SPATA17: variants seen among roughly 807,000 people sequenced by gnomAD.
The protein encoded by SPATA17 is spermatogenesis-associated protein 17.
Under a neutral mutation model 62.2 loss-of-function variants are expected in SPATA17, and 53 were observed. The observed-to-expected ratio is 0.85, with a 90% CI of 0.68 to 1.07. The LOEUF (loss-of-function observed/expected upper bound fraction) is 1.07, where lower values mean the gene tolerates loss of function less well. SPATA17 is among the 50% of genes least tolerant of loss of function. The probability of loss-of-function intolerance (pLI) is 0.00; values close to 1 mark genes in which losing one functional copy is unlikely to be tolerated. For missense variants in SPATA17, 466 were observed against 425.5 expected (o/e 1.10, Z -0.84); for synonymous variants, 146 against 146.8 (o/e 0.99, Z 0.04).
intron 5 of SPATA17, among the ~76,000 whole-genome samples, chr1:217,736,522 A>G (rs1447383873): frequency 4.6e-5 from 7 of 152,158 alleles, no homozygotes; most frequent in Admixed American, 3.9e-4. Context: ...AGGTTGCTGT[A>G]GAGGAAATCC....
chr1:217,797,304 C>A (rs1353496289), intron 8 of SPATA17, among the ~76,000 whole-genome samples: 2 of 148,418 alleles, frequency 1.3e-5, no homozygotes, highest in African/African-American at 5.0e-5. Context: ...GGCTGCAGTG[C>A]AGTAGTGTGA....
At chr1:217,864,698 T>G (rs1311058355) in intron 10 of SPATA17, among the ~76,000 whole-genome samples, 1 of 152,146 alleles carries the variant, frequency 6.6e-6, no homozygotes, top group Non-Finnish European at 1.5e-5. Flanking sequence ...GATGTTTTAA[T>G]GCAACCAGAC....
chr1:217,710,884 T>C (rs2102926368), intron 5 of SPATA17, among the ~76,000 whole-genome samples: 1 of 152,336 alleles, frequency 6.6e-6, no homozygotes, highest in East Asian at 1.9e-4. Context: ...TCTGGCTCTA[T>C]AAATTTGCTC....
chr1:217,674,610 C>G (rs1257639505), intron 4 of SPATA17, among the ~76,000 whole-genome samples: 1 of 152,210 alleles, frequency 6.6e-6, no homozygotes, highest in African/African-American at 2.4e-5. Flanking sequence ...AAGGGGAACA[C>G]GGTGGTGCCC....
intron 5 of SPATA17, among the ~76,000 whole-genome samples, chr1:217,717,178 C>G (rs928155340): frequency 2.0e-5 from 3 of 151,234 alleles, no homozygotes; most frequent in Admixed American, 6.6e-5. Flanking sequence ...AAACTAAAAA[C>G]TCACTTTCAT....
chr1:217,662,937 A>T (rs928425054), intron 3 of SPATA17, among the ~76,000 whole-genome samples: 13 of 152,064 alleles, frequency 8.5e-5, no homozygotes, highest in African/African-American at 2.4e-4. Context: ...ACATATATAT[A>T]TTTTTTCCTT....
intron 1 of SPATA17, among the ~76,000 whole-genome samples, chr1:217,643,428 C>G (rs1206548784): frequency 6.6e-6 from 1 of 151,994 alleles, no homozygotes; most frequent in Non-Finnish European, 1.5e-5. Flanking sequence ...TTTTCATCTT[C>G]CCTCTACACC....
chr1:217,802,117 G>A (rs1674328007), intron 9 of SPATA17, among the ~76,000 whole-genome samples: 1 of 151,998 alleles, frequency 6.6e-6, no homozygotes, highest in Non-Finnish European at 1.5e-5. Flanking sequence ...TGACCAGGTG[G>A]TCAGGGCTTG....
intron 9 of SPATA17, among the ~76,000 whole-genome samples, chr1:217,838,948 C>T (rs2103005680): frequency 6.6e-6 from 1 of 152,084 alleles, no homozygotes; most frequent in African/African-American, 2.4e-5. Flanking sequence ...TGACTTGGGA[C>T]AAAGTACATT....
At chr1:217,686,615 T>C (rs540905384) in intron 5 of SPATA17, among the ~76,000 whole-genome samples, 1 of 152,340 alleles carries the variant, frequency 6.6e-6, no homozygotes, top group East Asian at 1.9e-4. Context: ...GTTTCACAGA[T>C]AATACATGCC....
At chr1:217,690,169 C>T (rs945069481) in intron 5 of SPATA17, among the ~76,000 whole-genome samples, 7 of 152,138 alleles carry the variant, frequency 4.6e-5, no homozygotes, top group African/African-American at 1.7e-4. Flanking sequence ...TACCAAAGTA[C>T]TGGGACTATA....
intron 8 of SPATA17, among the ~76,000 whole-genome samples, chr1:217,785,977 T>G (rs1390365712): frequency 6.6e-6 from 1 of 152,190 alleles, no homozygotes; most frequent in East Asian, 1.9e-4. Context: ...CTCACTCATA[T>G]GTCTATCCTT....
intron 9 of SPATA17, among the ~76,000 whole-genome samples, chr1:217,830,275 A>T (rs1675109194): frequency 6.6e-6 from 1 of 152,106 alleles, no homozygotes; most frequent in African/African-American, 2.4e-5. Context: ...ATATTTTTTT[A>T]ACCTTCTACA....
At chr1:217,664,289 CTT>C (rs34166363) in intron 3 of SPATA17, among the ~76,000 whole-genome samples, 332 of 75,780 alleles carry the variant, frequency 4.4e-3, no homozygotes, top group African/African-American at 9.4e-3. Context: ...TGTTAAAAAT[CTT>C]TTTTTTTTTT....
At chr1:217,690,578 C>T (rs1273912747) in intron 5 of SPATA17, among the ~76,000 whole-genome samples, 4 of 136,612 alleles carry the variant, frequency 2.9e-5, no homozygotes, top group African/African-American at 5.5e-5. Context: ...CATGCTGGTG[C>T]GCTGCACCCA....
At chr1:217,729,242 T>C (rs6695347) in intron 5 of SPATA17, among the ~76,000 whole-genome samples, 38,468 of 152,070 alleles carry the variant, frequency 0.25, 5,305 homozygotes, top group African/African-American at 0.35. Flanking sequence ...ATTCTTTGAA[T>C]TCATCCAAAG....
At chr1:217,774,237 A>T in intron 6 of SPATA17, 97 bp from the exon 7 acceptor site, 1 of 1,023,468 alleles carries the variant, frequency 9.8e-7, no homozygotes, top group Non-Finnish European at 1.4e-6. Context: ...AGTTTAAAAT[A>T]TTCTTTAAAC....
At chr1:217,739,252 T>C (rs1238906179) in intron 5 of SPATA17, among the ~76,000 whole-genome samples, 1 of 152,154 alleles carries the variant, frequency 6.6e-6, no homozygotes, top group Non-Finnish European at 1.5e-5. Context: ...ATAAAGGAAA[T>C]ATGCATGGCT....
At chr1:217,746,140 A>G (rs1672745109) in intron 6 of SPATA17, among the ~76,000 whole-genome samples, 1 of 152,050 alleles carries the variant, frequency 6.6e-6, no homozygotes, top group Non-Finnish European at 1.5e-5. Flanking sequence ...CTTTAAGTAC[A>G]AATAAAAGCC....
Sources: allele counts gnomAD v4.1 joint callset (sites outside exome capture counted in the v4.1 genomes callset), GRCh38; gene constraint gnomAD v4.1.1; transcripts MANE v1.5; gene names NCBI Gene and HGNC (gene_info 2026-07-23, HGNC 2026-07-21).